The following PDZD2 variants were observed in gnomAD, a reference collection of about 807,000 sequenced individuals.
PDZD2 encodes PDZ domain-containing protein 2.
In PDZD2, 90 loss-of-function variants were observed where a neutral mutation model predicts 220.7. The ratio of observed to expected loss-of-function variants is 0.41; its 90% CI spans 0.34 to 0.49. The LOEUF (loss-of-function observed/expected upper bound fraction) is 0.49. Among genes scored for constraint, PDZD2 ranks in the 20% least tolerant of loss-of-function variants. The pLI, the probability that PDZD2 is intolerant of heterozygous loss-of-function variation, is 0.28. For synonymous variants in PDZD2, 1,375 were observed against 1,450.5 expected (o/e 0.95, Z 1.18); for missense variants, 3,174 against 3,608.5 (o/e 0.88, Z 3.08).
chr5:31,692,238 C>T (rs1309561345), intron 1 of PDZD2, among the ~76,000 whole-genome samples: 1 of 152,174 alleles, frequency 6.6e-6, no homozygotes, highest in African/African-American at 2.4e-5. Flanking sequence ...TGCCCGGGGC[C>T]GGTGGGGCCG....
At position 31,653,693 on chromosome 5, in the gene PDZD2, A is replaced by G. The variant is rs979462192; in HGVS notation, c.-361+14256A>G. Among the ~76,000 whole-genome samples the G allele has an allele frequency of 5.3e-5, 8 of 152,156 alleles. No homozygotes were observed. In the East Asian group the frequency reaches 1.2e-3, roughly 22 times the overall value. On this transcript the variant is annotated intron_variant, in intron 1 of 24. Coordinates refer to ENST00000438447, the MANE Select transcript of PDZD2 (RefSeq NM_178140.4). ...CATAAACTGTCACACGTGCAGCCCA[A>G]TTCATTCATTCAGTAAATCAGATCT... is the stretch of plus-strand genomic sequence containing the variant.
intron 10 of PDZD2, 85 bp downstream of exon 10, chr5:32,053,968 A>T: frequency 1.2e-6 from 1 of 805,972 alleles, no homozygotes; most frequent in Non-Finnish European, 2.2e-6. Flanking sequence ...AGTGAATGCC[A>T]CAGTACCTAG....
At chr5:31,871,158 C>G (rs1482918919) in intron 2 of PDZD2, among the ~76,000 whole-genome samples, 7 of 152,126 alleles carry the variant, frequency 4.6e-5, no homozygotes, top group Non-Finnish European at 1.5e-5. Context: ...ATGCGTTACT[C>G]TTAATACCTT....
chr5:31,742,515 G>A (rs1467337739), intron 1 of PDZD2, among the ~76,000 whole-genome samples: 1 of 148,086 alleles, frequency 6.8e-6, no homozygotes, highest in Admixed American at 6.8e-5. Context: ...CCAACCCTCA[G>A]CAACCCCCTC....
At chr5:31,995,533 G>T (rs371933559) in intron 3 of PDZD2, 43 bp from the exon 4 acceptor site, 3 of 1,612,356 alleles carry the variant, frequency 1.9e-6, no homozygotes, top group Non-Finnish European at 8.5e-7. Context: ...AATGCCGTGT[G>T]TCTGTCAACC....
rs190486719 is a variant in PDZD2 at position 31,822,103 on chromosome 5, A to G, written c.476+22379A>G. On this transcript the variant is annotated intron_variant, in intron 2 of 24. Coordinates refer to ENST00000438447, the MANE Select transcript of PDZD2 (RefSeq NM_178140.4). ...TTTATCCAGTCTATCATTGATGGGC[A>G]TTTGGGCTGGTTCCAAGTCTTTGCT... Among the ~76,000 whole-genome samples the G allele has an allele frequency of 7.1e-3, 1,072 of 151,452 alleles. 10 individuals are homozygous for G. The highest frequency in any genetic ancestry group is 0.024 in the African/African-American group (992 of 41,482).
At chr5:32,012,008 A>G (rs1053893279) in intron 6 of PDZD2, among the ~76,000 whole-genome samples, 1 of 152,118 alleles carries the variant, frequency 6.6e-6, no homozygotes, top group Admixed American at 6.5e-5. Context: ...CTTGTTTTCC[A>G]TGGTTACAAG....
intron 2 of PDZD2, among the ~76,000 whole-genome samples, chr5:31,873,533 T>TTTTTTTTA (rs1739019413): frequency 2.8e-5 from 4 of 143,998 alleles, no homozygotes; most frequent in South Asian, 2.2e-4. Context: ...TGAAAATTCT[T>TTTTTTTTA]TTTATTTATT....
chr5:32,006,567 A>G (rs1434558429), intron 5 of PDZD2, among the ~76,000 whole-genome samples: 3 of 150,958 alleles, frequency 2.0e-5, no homozygotes, highest in Non-Finnish European at 3.0e-5. Context: ...TGTAGAGGCA[A>G]TCTCTCTCTG....
intron 21 of PDZD2, 89 bp downstream of exon 21, chr5:32,093,113 C>T: frequency 1.4e-6 from 1 of 717,766 alleles, no homozygotes; most frequent in Non-Finnish European, 2.5e-6. Flanking sequence ...CCGAGGAGAG[C>T]CCGCCCCGAG....
chr5:31,980,040 A>G (rs927220747), intron 2 of PDZD2, among the ~76,000 whole-genome samples: 3 of 152,226 alleles, frequency 2.0e-5, no homozygotes, highest in African/African-American at 7.2e-5. Context: ...TACTATGTTC[A>G]CTGTTTTTTA....
At position 31,752,068 on chromosome 5, in the gene PDZD2, GGTTTGT is replaced by G. The variant is rs1296144681; in HGVS notation, c.-360-46820_-360-46815del. 7.4e-4 allele frequency among the ~76,000 whole-genome samples: 71 copies of G among 95,944 alleles called. 10 individuals carry two copies. The highest frequency in any genetic ancestry group is 2.4e-3 in the African/African-American group (53 of 22,068). The allele number at this position is 95,944 out of a possible 152,430, so 62.9% of individuals were successfully genotyped here. A position where few individuals can be genotyped will look rare whatever the true frequency, so the allele number is the denominator to read the frequency against. ...TTTGTTTGTTTGTTTTATTGTTTTG[GGTTTGT>G]TTTTTTTTTTTTTTTTCTGAGACAA... On this transcript the variant is annotated intron_variant, in intron 1 of 24. Transcript: ENST00000438447.
intron 2 of PDZD2, among the ~76,000 whole-genome samples, chr5:31,917,364 T>C (rs1743781796): frequency 6.6e-6 from 1 of 152,040 alleles, no homozygotes; most frequent in Non-Finnish European, 1.5e-5. Context: ...CAAAACCCTG[T>C]TGCTACAAAA....
At chr5:31,992,047 AAAC>A (rs1262267686) in intron 3 of PDZD2, among the ~76,000 whole-genome samples, 4 of 152,132 alleles carry the variant, frequency 2.6e-5, no homozygotes, top group Non-Finnish European at 4.4e-5. Flanking sequence ...GAAAAAAACA[AAAC>A]AACAACAAAA....
intron 21 of PDZD2, among the ~76,000 whole-genome samples, chr5:32,096,589 G>A (rs1743725320): frequency 6.6e-6 from 1 of 152,200 alleles, no homozygotes. Context: ...AAAGCACTGG[G>A]ATTACAGGCG....
At position 31,646,278 on chromosome 5, in the gene PDZD2, A is replaced by G. The variant is rs567050395; in HGVS notation, c.-361+6841A>G. Among the ~76,000 whole-genome samples the G allele has an allele frequency of 1.3e-5, 2 of 152,208 alleles. No individual in the cohort carries two copies. The highest frequency in any genetic ancestry group is 4.1e-4 in the South Asian group (2 of 4,824). On this transcript the variant is annotated intron_variant, in intron 1 of 24. Coordinates refer to ENST00000438447, the MANE Select transcript of PDZD2 (RefSeq NM_178140.4). The surrounding 1 kb of genome is among the most constrained non-coding windows in gnomAD (Gnocchi z 4.7). ...GAGGCAAGTGTATTTTGGGGTAGCC[A>G]TAATATCTTGGGTTGGTGGGTACAA...
chr5:31,758,392 C>T (rs867760987), intron 1 of PDZD2, among the ~76,000 whole-genome samples: 4 of 152,146 alleles, frequency 2.6e-5, no homozygotes, highest in Non-Finnish European at 4.4e-5. Flanking sequence ...CCATGAAGGG[C>T]GCCCCAGAGC....
chr5:32,109,707 T>TATG lies in PDZD2; in HGVS notation c.*1573_*1575dup, dbSNP rs1203338683. On this transcript the variant is annotated 3_prime_UTR_variant, in exon 25 of 25. Transcript: ENST00000438447. ...ACCTGTGTGCATGACACTAAGATTT[T>TATG]ATGTTGGAGATACTTCTTTAAATAA... The TATG allele has an allele frequency of 3.9e-5, 6 of 152,226 alleles. No individual in the cohort carries two copies. Among genetic ancestry groups the TATG allele is most frequent in the African/African-American group, 1.2e-4 (5 of 41,444 alleles). 9.4% of individuals were successfully genotyped at this position (152,226 alleles called of 1,614,324 possible).
intron 2 of PDZD2, among the ~76,000 whole-genome samples, chr5:31,914,136 C>T (rs191783213): frequency 5.9e-5 from 9 of 152,202 alleles, no homozygotes; most frequent in African/African-American, 1.7e-4. Context: ...TCAAGTGGCA[C>T]ATGCCTACAC....
Sources: allele counts gnomAD v4.1 joint callset (sites outside exome capture counted in the v4.1 genomes callset), GRCh38; gene constraint gnomAD v4.1.1; non-coding constraint Gnocchi (gnomAD v3.1); transcripts MANE v1.5; gene names NCBI Gene and HGNC (gene_info 2026-07-23, HGNC 2026-07-21).